Variants in SOS1 observed in about 807,000 individuals in gnomAD.
SOS1 encodes the protein son of sevenless homolog 1.
A neutral mutation model predicts 157.6 loss-of-function variants in SOS1; 25 were observed. That is an observed-to-expected ratio of 0.16 (90% CI 0.12 to 0.22). The LOEUF (loss-of-function observed/expected upper bound fraction) is 0.22. SOS1 is among the 10% of genes least tolerant of loss of function. The probability of loss-of-function intolerance (pLI) is 1.00; values close to 1 mark genes in which losing one functional copy is unlikely to be tolerated. For missense variants in SOS1, 1,237 were observed against 1,599.1 expected, an observed-to-expected ratio of 0.77 and a Z score of 3.86; for synonymous variants, 528 against 534.0, an observed-to-expected ratio of 0.99 and a Z score of 0.16.
At chr2:39,015,762 A>G (rs1245729489) in intron 10 of SOS1, among the ~76,000 whole-genome samples, 3 of 149,642 alleles carry the variant, frequency 2.0e-5, no homozygotes, top group Non-Finnish European at 3.0e-5. Flanking sequence ...ACTCACTTCT[A>G]TAACTCAAAT....
chr2:39,100,911 C>A (rs1317742364), intron 1 of SOS1, among the ~76,000 whole-genome samples: 1 of 151,930 alleles, frequency 6.6e-6, no homozygotes, highest in African/African-American at 2.4e-5. Flanking sequence ...AGAGTGAGAC[C>A]TTGTCTCAAA....
chr2:39,075,558 A>G (rs1435447599), intron 1 of SOS1, among the ~76,000 whole-genome samples: 1 of 152,078 alleles, frequency 6.6e-6, no homozygotes. Context: ...AATCCCATCT[A>G]CTTGGGAGGC....
At chr2:39,065,061 A>G (rs894932796) in intron 2 of SOS1, among the ~76,000 whole-genome samples, 1 of 151,922 alleles carries the variant, frequency 6.6e-6, no homozygotes, top group Admixed American at 6.6e-5. Context: ...CCCAGTCTCT[A>G]TATACATTTT....
intron 1 of SOS1, among the ~76,000 whole-genome samples, chr2:39,078,387 A>G (rs1226292210): frequency 1.3e-5 from 2 of 152,252 alleles, no homozygotes; most frequent in Admixed American, 6.5e-5. Flanking sequence ...AAAGTTTAAC[A>G]TTACTTAGTA....
intron 4 of SOS1, among the ~76,000 whole-genome samples, chr2:39,056,456 TTACTC>T (rs1328649899): frequency 2.0e-5 from 3 of 151,992 alleles, no homozygotes; most frequent in African/African-American, 4.8e-5. Context: ...TATTAAGAGA[TTACTC>T]TAATTAACCC....
At chr2:39,062,290 C>T (rs997493566) in intron 2 of SOS1, among the ~76,000 whole-genome samples, 4 of 151,408 alleles carry the variant, frequency 2.6e-5, no homozygotes, top group Admixed American at 6.6e-5. Flanking sequence ...TGGTGGTGCT[C>T]GCTTGTAGTC....
At chr2:39,092,993 C>T (rs540517807) in intron 1 of SOS1, among the ~76,000 whole-genome samples, 31 of 152,292 alleles carry the variant, frequency 2.0e-4, no homozygotes, top group Middle Eastern at 6.8e-3. Context: ...AATATTACTT[C>T]TTTGGTAAAC....
chr2:39,018,914 CTT>C (rs895675324), intron 10 of SOS1, among the ~76,000 whole-genome samples: 2 of 151,756 alleles, frequency 1.3e-5, no homozygotes, highest in African/African-American at 4.8e-5. Context: ...CGCACAAACA[CTT>C]TTTTAAAAAA....
intron 1 of SOS1, among the ~76,000 whole-genome samples, chr2:39,087,019 G>T (rs1171065431): frequency 6.6e-6 from 1 of 152,048 alleles, no homozygotes; most frequent in African/African-American, 2.4e-5. Flanking sequence ...TGCCATTTTG[G>T]CCAGGCTGGT....
At chr2:39,061,152 A>T (rs2124615092) in intron 2 of SOS1, among the ~76,000 whole-genome samples, 1 of 152,086 alleles carries the variant, frequency 6.6e-6, no homozygotes, top group South Asian at 2.1e-4. Flanking sequence ...GCACATTTTA[A>T]ACTTACTTAC....
intron 10 of SOS1, among the ~76,000 whole-genome samples, chr2:39,018,373 A>G (rs1034319716): frequency 9.2e-5 from 14 of 151,626 alleles, no homozygotes; most frequent in African/African-American, 3.4e-4. Context: ...TCAAATCCCT[A>G]CGCTAAGGTT....
At chr2:39,052,231 G>A (rs1004286353) in intron 5 of SOS1, among the ~76,000 whole-genome samples, 2 of 152,086 alleles carry the variant, frequency 1.3e-5, no homozygotes, top group African/African-American at 4.8e-5. Flanking sequence ...TGTAGAATCT[G>A]CAACCATATC....
chr2:38,986,117 G>T lies in SOS1; in HGVS notation c.3709C>A (p.Pro1237Thr), dbSNP rs371408734. ...SSSPLHLQPP[P>T]LGKKSDHGNA... ...CCATGGTCACTTTTTTTGCCCAAAG[G>T]GGGAGGTTGGAGATGTAGTGGTGAG... The change falls in exon 23 of 23, where the codon CCT (proline) becomes ACT (threonine). Residue 1237 changes from proline to threonine, a missense_variant. Physicochemically the swap from Pro to Thr is conservative, Grantham distance 38. Around this residue, in one of 15 missense-constraint regions of SOS1, gnomAD observed 306 missense variants for 322.6 expected, o/e 0.95. Coordinates refer to ENST00000402219, the MANE Select transcript of SOS1 (RefSeq NM_005633.4). 79 of 1,613,718 alleles carry T rather than the reference G, an allele frequency of 4.9e-5. 1 individual carries two copies. The South Asian group carries it at 6.9e-4, about 14-fold the overall frequency.
rs1391324757 is a variant in SOS1 at position 38,995,251 on chromosome 2, G to T, written c.3218C>A (p.Thr1073Lys). The T allele has an allele frequency of 6.2e-7, 1 of 1,614,076 alleles. No homozygotes were observed. Among genetic ancestry groups the T allele is most frequent in the South Asian group, 1.1e-5 (1 of 91,082 alleles). The change falls in exon 20 of 23, where the codon ACA (threonine) becomes AAA (lysine). Residue 1073 changes from threonine (T) to lysine (K), a missense_variant. Coordinates refer to ENST00000402219, the MANE Select transcript of SOS1 (RefSeq NM_005633.4). ...ATTTGGTGCAGATGCTGTACTTTCTGTTTCACTTTCAGGGATCCTACTATA... is the reference window on the plus strand; with the variant it reads ...ATTTGGTGCAGATGCTGTACTTTCTTTTTCACTTTCAGGGATCCTACTATA... ...ISYSRIPESETESTASAPNSP... is the reference protein window; with the variant it reads ...ISYSRIPESEKESTASAPNSP...
intron 1 of SOS1, among the ~76,000 whole-genome samples, chr2:39,108,080 C>T (rs1673272970): frequency 6.6e-6 from 1 of 152,166 alleles, no homozygotes. Flanking sequence ...CATCACCATC[C>T]CCACTTAGAC....
At chr2:39,071,483 T>C (rs1053595534) in intron 1 of SOS1, among the ~76,000 whole-genome samples, 5 of 152,204 alleles carry the variant, frequency 3.3e-5, no homozygotes, top group African/African-American at 1.2e-4. Context: ...AAAATCATCA[T>C]TGGTTACACA....
intron 10 of SOS1, among the ~76,000 whole-genome samples, chr2:39,018,558 CAA>C (rs1366145074): frequency 2.6e-5 from 4 of 151,728 alleles, no homozygotes; most frequent in African/African-American, 9.7e-5. Flanking sequence ...CACAATACTT[CAA>C]AATTTTAGGA....
At chr2:39,097,254 G>C (rs1558511688) in intron 1 of SOS1, among the ~76,000 whole-genome samples, 1 of 152,120 alleles carries the variant, frequency 6.6e-6, no homozygotes, top group Non-Finnish European at 1.5e-5. Flanking sequence ...GCAAATTGAA[G>C]AGATGCAAAT....
intron 15 of SOS1, among the ~76,000 whole-genome samples, chr2:39,008,538 T>C (rs1024664601): frequency 6.6e-6 from 1 of 152,208 alleles, no homozygotes; most frequent in African/African-American, 2.4e-5. Context: ...CTAATGAAGA[T>C]ACACCCTAGA....
Sources: allele counts gnomAD v4.1 joint callset (sites outside exome capture counted in the v4.1 genomes callset), GRCh38; gene constraint gnomAD v4.1.1; regional missense constraint gnomAD v4.1.1; transcripts MANE v1.5; gene names NCBI Gene and HGNC (gene_info 2026-07-23, HGNC 2026-07-21).